Variants in WDR33 observed in about 807,000 individuals in gnomAD.
The protein encoded by WDR33 is pre-mRNA 3' end processing protein WDR33.
A neutral mutation model predicts 164.9 loss-of-function variants in WDR33; 47 were observed. The observed-to-expected ratio is 0.29, with a 90% CI of 0.23 to 0.36. The LOEUF is 0.36. WDR33 is among the 10% of genes least tolerant of loss of function. The probability of loss-of-function intolerance (pLI) is 1.00; values close to 1 mark genes in which losing one functional copy is unlikely to be tolerated. For missense variants in WDR33, 1,137 were observed against 1,754.1 expected, an observed-to-expected ratio of 0.65 and a Z score of 6.28; for synonymous variants, 505 against 589.0, an observed-to-expected ratio of 0.86 and a Z score of 2.06.
intron 7 of WDR33, among the ~76,000 whole-genome samples, chr2:127,730,709 T>A (rs1459732612): frequency 2.0e-5 from 3 of 152,224 alleles, no homozygotes; most frequent in African/African-American, 7.2e-5. Flanking sequence ...TGTGTACATT[T>A]TGTACATTTT....
chr2:127,727,615 T>C (rs1293114798), intron 7 of WDR33, among the ~76,000 whole-genome samples: 1 of 152,090 alleles, frequency 6.6e-6, no homozygotes, highest in Non-Finnish European at 1.5e-5. Flanking sequence ...GCTAGAGCAT[T>C]AGCTCACTTC....
At chr2:127,737,651 C>G (rs1356639375) in intron 7 of WDR33, 2 of 1,027,124 alleles carry the variant, frequency 1.9e-6, no homozygotes, top group African/African-American at 3.4e-5. Flanking sequence ...TAAAGAGAAG[C>G]CATGACTGAA....
intron 7 of WDR33, among the ~76,000 whole-genome samples, chr2:127,757,489 C>T (rs948911533): frequency 5.3e-5 from 8 of 152,092 alleles, no homozygotes; most frequent in Admixed American, 3.9e-4. Context: ...TAAAGAAACG[C>T]TTCCTCAAAG....
At position 127,790,910 on chromosome 2, in the gene WDR33, G is replaced by A. The variant is rs557892973; in HGVS notation, c.-23-19906C>T. Reference sequence around the variant, plus strand: ...AATTTAGGGGCATGGAATTGTTCACGATATTCCCTTATCATCATTTTAATG... The same window carrying A: ...AATTTAGGGGCATGGAATTGTTCACAATATTCCCTTATCATCATTTTAATG... On this transcript the variant is annotated intron_variant, in intron 1 of 21. Coordinates refer to ENST00000322313, the MANE Select transcript of WDR33 (RefSeq NM_018383.5). 5.3e-5 allele frequency among the ~76,000 whole-genome samples: 8 copies of A among 152,152 alleles called. No individual in the cohort carries two copies. The East Asian group carries it at 7.7e-4, about 15-fold the overall frequency.
rs1475931383 is a variant in WDR33, at chr2:127,721,922, T to A, written c.1585A>T (p.Ile529Phe). 6.2e-7 allele frequency: 1 copy of A among 1,614,096 alleles called. No homozygotes were observed. The highest frequency in any genetic ancestry group is 1.1e-5 in the South Asian group (1 of 91,076). The change falls in exon 15 of 22, where the codon ATT becomes TTT. Residue 529 changes from isoleucine to phenylalanine, a missense_variant. Physicochemically the swap from Ile to Phe is conservative, Grantham distance 21 (BLOSUM62 0). Coordinates refer to ENST00000322313, the MANE Select transcript of WDR33 (RefSeq NM_018383.5). This position sits in a 1 kb window ranked among gnomAD's most constrained non-coding sequence, Gnocchi z 4.9. ...GTTTTTTTCTTCTCTTCCAATTTAA[T>A]GTCTTCTTTTCTGTCATTCAGCACC... ...NEVLNDRKEDIKLEEKKKTQA... is the reference protein window; with the variant it reads ...NEVLNDRKEDFKLEEKKKTQA...
chr2:127,759,899 T>C (rs1687627358), intron 7 of WDR33, among the ~76,000 whole-genome samples: 2 of 151,932 alleles, frequency 1.3e-5, no homozygotes, highest in Non-Finnish European at 2.9e-5. Flanking sequence ...AAATTAAAAA[T>C]TAAGAAGTAT....
chr2:127,702,285 C>A lies in WDR33; in HGVS notation c.*4038G>T. Reference sequence around the variant, plus strand: ...GCTGTGCGGAAGCCCGTGGCGAAGGCCCTGCCCTAACAGCCTGCGAGTCTA... The same window carrying A: ...GCTGTGCGGAAGCCCGTGGCGAAGGACCTGCCCTAACAGCCTGCGAGTCTA... On this transcript the variant is annotated 3_prime_UTR_variant, in exon 22 of 22. Coordinates refer to ENST00000322313, the MANE Select transcript of WDR33 (RefSeq NM_018383.5). 1 of 1,078,144 alleles carries A rather than the reference C, an allele frequency of 9.3e-7. No homozygotes were observed. The highest frequency in any genetic ancestry group is 4.6e-5 in the East Asian group (1 of 21,576). 66.8% of individuals were successfully genotyped at this position (1,078,144 alleles called of 1,614,324 possible). A position where few individuals can be genotyped will look rare whatever the true frequency, so the allele number is the denominator to read the frequency against.
In WDR33 at chr2:127,724,499, T is replaced by A; in HGVS notation, c.1086-56A>T. On this transcript the variant is annotated intron_variant, in intron 10 of 21. Transcript: ENST00000322313. The surrounding 1 kb of genome is among the most constrained non-coding windows in gnomAD (Gnocchi z 4.8). ...TCACAAAAGTTACCCAGCTTCTCCC[T>A]CCCCCTCAAAAAAGACATTTTCTGT... is the stretch of plus-strand genomic sequence containing the variant. The A allele has an allele frequency of 6.9e-7, 1 of 1,449,866 alleles. No individual in the cohort carries two copies. 89.8% of individuals were successfully genotyped at this position (1,449,866 alleles called of 1,614,324 possible).
rs1373060237 is a variant in WDR33 at position 127,720,122 on chromosome 2, T to C, written c.1903A>G (p.Met635Val). Residue 635 changes from methionine to valine, a missense_variant, in exon 16 of 22, where the codon ATG becomes GTG. By Grantham distance (21) the Met-to-Val change is conservative (BLOSUM62 1). Coordinates refer to ENST00000322313, the MANE Select transcript of WDR33 (RefSeq NM_018383.5). The surrounding 1 kb of genome is among the most constrained non-coding windows in gnomAD (Gnocchi z 5.9). ...QFRPPGPQGQ[M>V]GPQGPPLHQG... is the part of the protein sequence containing the mutation. ...TGCAGTGGAGGACCTTGTGGTCCCA[T>C]TTGTCCCTGGGGTCCAGGAGGCCTA... The C allele has an allele frequency of 6.2e-7, 1 of 1,613,988 alleles. No homozygotes were observed. Among genetic ancestry groups the C allele is most frequent in the Non-Finnish European group, 8.5e-7 (1 of 1,180,014 alleles).
intron 4 of WDR33, 83 bp downstream of exon 4, chr2:127,768,106 T>C (rs1442431519): frequency 1.2e-6 from 1 of 806,558 alleles, no homozygotes; most frequent in African/African-American, 1.8e-5. Context: ...TAAAATAATG[T>C]TTAATTTTCT....
At position 127,763,678 on chromosome 2, in the gene WDR33, A is replaced by G. The variant is rs550574385; in HGVS notation, c.627-519T>C. 15 of 985,818 alleles carry G rather than the reference A, an allele frequency of 1.5e-5. No individual in the cohort carries two copies. The South Asian group carries it at 6.6e-4, about 43-fold the overall frequency. The allele number at this position is 985,818 out of a possible 1,614,324, so 61.1% of individuals were successfully genotyped here. Reference sequence around the variant, plus strand: ...CTCATCCATTTCAAAGGTCTGTAGAAAAGTTTCACATCTTCCTGGCAAGCT... The same window carrying G: ...CTCATCCATTTCAAAGGTCTGTAGAGAAGTTTCACATCTTCCTGGCAAGCT... On this transcript the variant is annotated intron_variant, in intron 6 of 21. Coordinates refer to ENST00000322313, the MANE Select transcript of WDR33 (RefSeq NM_018383.5). This position sits in a 1 kb window ranked among gnomAD's most constrained non-coding sequence, Gnocchi z 4.5.
chr2:127,739,803 T>A (rs1686960742), intron 7 of WDR33, among the ~76,000 whole-genome samples: 1 of 152,228 alleles, frequency 6.6e-6, no homozygotes, highest in African/African-American at 2.4e-5. Context: ...CTGTTACTAC[T>A]ATGAACAGAG....
chr2:127,719,926 C>T lies in WDR33; in HGVS notation c.2099G>A (p.Gly700Asp). The change falls in exon 16 of 22, where the codon GGT (glycine) becomes GAT (aspartate). Residue 700 changes from glycine to aspartate, a missense_variant. By Grantham distance (94) the Gly-to-Asp change is moderately conservative. Transcript: ENST00000322313. This position sits in a 1 kb window ranked among gnomAD's most constrained non-coding sequence, Gnocchi z 6.5. ...CTGAGGACCCATATGACCTTGAGGA[C>T]CAGAACTACCTTGTGGTCCAGGTGG... ...QGPPGPQGSS[G>D]PQGHMGPQGP... The T allele has an allele frequency of 6.2e-7, 1 of 1,613,994 alleles. No homozygotes were observed. Among genetic ancestry groups the T allele is most frequent in the South Asian group, 1.1e-5 (1 of 91,080 alleles).
chr2:127,777,345 G>A (rs573171186), intron 1 of WDR33, among the ~76,000 whole-genome samples: 1 of 152,236 alleles, frequency 6.6e-6, no homozygotes, highest in Admixed American at 6.5e-5. Flanking sequence ...CAGACTTTGT[G>A]GTGCCTGGCC....
chr2:127,772,251 A>C (rs1282188009), intron 1 of WDR33, among the ~76,000 whole-genome samples: 2 of 152,160 alleles, frequency 1.3e-5, no homozygotes, highest in African/African-American at 2.4e-5. Context: ...AGCCTGGCCA[A>C]CATGGTGAAA....
At chr2:127,807,257 C>T (rs1040762957) in intron 1 of WDR33, among the ~76,000 whole-genome samples, 4 of 152,100 alleles carry the variant, frequency 2.6e-5, no homozygotes, top group African/African-American at 7.2e-5. Context: ...CCACCTGCCT[C>T]GGCCTCCCAA....
chr2:127,766,707 C>A (rs1687831437), intron 4 of WDR33, among the ~76,000 whole-genome samples: 1 of 151,658 alleles, frequency 6.6e-6, no homozygotes, highest in South Asian at 2.1e-4. Context: ...ACCCCTTTAA[C>A]CAAATTCCCT....
At chr2:127,795,650 C>T (rs1689010972) in intron 1 of WDR33, among the ~76,000 whole-genome samples, 1 of 143,298 alleles carries the variant, frequency 7.0e-6, no homozygotes, top group South Asian at 2.2e-4. Flanking sequence ...GCAAAACCTC[C>T]TTTCTATAAA....
chr2:127,709,915 A>C lies in WDR33; in HGVS notation c.3309-59T>G. ...GAGAACACCTTGCCACTCTAAGTTC[A>C]TGTTTCAAAGAAGCATATGATATGA... On this transcript the variant is annotated intron_variant, in intron 18 of 21. Transcript: ENST00000322313. The surrounding 1 kb of genome is among the most constrained non-coding windows in gnomAD (Gnocchi z 5.0). 3 of 1,571,490 alleles carry C rather than the reference A, an allele frequency of 1.9e-6. No homozygotes were observed. The highest frequency in any genetic ancestry group is 1.2e-5 in the South Asian group (1 of 85,624).
Sources: gnomAD v4.1 joint callset for allele counts (sites outside exome capture counted in the v4.1 genomes callset) on GRCh38, gnomAD v4.1.1 for gene constraint, Gnocchi (gnomAD v3.1) non-coding constraint, MANE v1.5 for transcripts, NCBI Gene and HGNC (gene_info 2026-07-23, HGNC 2026-07-21) for gene names.